PABPC4L: variants seen among roughly 807,000 people sequenced by gnomAD.
PABPC4L encodes polyadenylate-binding protein 4-like.
For missense variants in PABPC4L, 452 were observed against 451.4 expected, an observed-to-expected ratio of 1.00 and a Z score of -0.01; for synonymous variants, 169 against 164.1, an observed-to-expected ratio of 1.03 and a Z score of -0.23.
the PABPC4L span, among the ~76,000 whole-genome samples, chr4:134,156,478 G>A: frequency 6.6e-6 from 1 of 151,812 alleles, no homozygotes; most frequent in Non-Finnish European, 1.5e-5. Context: ...TAATATTGAT[G>A]AAACAGAAAC....
the PABPC4L span, among the ~76,000 whole-genome samples, chr4:134,163,211 G>A: frequency 1.3e-5 from 2 of 152,192 alleles, no homozygotes; most frequent in African/African-American, 2.4e-5. Flanking sequence ...AAGATCATTT[G>A]AGACTGCTAT....
At chr4:134,047,466 C>G in the PABPC4L span, among the ~76,000 whole-genome samples, 1 of 152,122 alleles carries the variant, frequency 6.6e-6, no homozygotes, top group Non-Finnish European at 1.5e-5. Context: ...TAGCTAGAGG[C>G]ACGTCTTTGA....
chr4:134,162,165 A>G, the PABPC4L span, among the ~76,000 whole-genome samples: 2 of 152,250 alleles, frequency 1.3e-5, no homozygotes, highest in East Asian at 3.9e-4. Flanking sequence ...AGGAAGAAGA[A>G]AAGAAAGGGA....
chr4:133,990,741 C>G, the PABPC4L span, among the ~76,000 whole-genome samples: 2 of 152,172 alleles, frequency 1.3e-5, no homozygotes, highest in East Asian at 3.9e-4. Context: ...CCGACCCCCC[C>G]AGTAGAGAGC....
the PABPC4L span, among the ~76,000 whole-genome samples, chr4:134,012,514 C>T: frequency 4.6e-5 from 7 of 152,160 alleles, no homozygotes; most frequent in Non-Finnish European, 1.0e-4. Flanking sequence ...CTCTATCTCC[C>T]TTCGCTGACT....
the PABPC4L span, among the ~76,000 whole-genome samples, chr4:134,164,316 A>C: frequency 6.7e-6 from 1 of 149,558 alleles, no homozygotes; most frequent in East Asian, 2.0e-4. Flanking sequence ...TAGAGCAATC[A>C]GGCAAGAGAA....
chr4:134,122,973 C>T, the PABPC4L span, among the ~76,000 whole-genome samples: 15 of 151,876 alleles, frequency 9.9e-5, no homozygotes, highest in Non-Finnish European at 4.4e-5. Flanking sequence ...GGAATACAGA[C>T]AATTCTCATC....
At chr4:134,078,866 C>G in the PABPC4L span, among the ~76,000 whole-genome samples, 1 of 149,672 alleles carries the variant, frequency 6.7e-6, no homozygotes, top group Non-Finnish European at 1.5e-5. Flanking sequence ...CGGGGTTTCT[C>G]CACGTTGGTC....
At chr4:134,091,532 T>C in the PABPC4L span, among the ~76,000 whole-genome samples, 3 of 151,976 alleles carry the variant, frequency 2.0e-5, no homozygotes, top group African/African-American at 7.2e-5. Context: ...CAATGTGAAA[T>C]AGTAGAAAAG....
At chr4:134,028,198 T>G in the PABPC4L span, among the ~76,000 whole-genome samples, 1 of 152,156 alleles carries the variant, frequency 6.6e-6, no homozygotes, top group Admixed American at 6.6e-5. Context: ...ACCAGGTGAT[T>G]CTGACTCACA....
At chr4:134,133,602 T>A in the PABPC4L span, among the ~76,000 whole-genome samples, 1 of 151,484 alleles carries the variant, frequency 6.6e-6, no homozygotes, top group Non-Finnish European at 1.5e-5. Context: ...ATCATCAACG[T>A]CGTATGTTCT....
chr4:134,051,749 C>G, the PABPC4L span, among the ~76,000 whole-genome samples: 1 of 151,992 alleles, frequency 6.6e-6, no homozygotes, highest in Non-Finnish European at 1.5e-5. Context: ...AGTTTCATAG[C>G]CTCTCTAGAA....
At chr4:134,082,250 T>A in the PABPC4L span, among the ~76,000 whole-genome samples, 2 of 152,190 alleles carry the variant, frequency 1.3e-5, no homozygotes, top group Non-Finnish European at 2.9e-5. Flanking sequence ...TTAAAACTTG[T>A]TAGCTTTGTT....
the PABPC4L span, among the ~76,000 whole-genome samples, chr4:134,062,235 T>C: frequency 6.6e-6 from 1 of 152,002 alleles, no homozygotes; most frequent in African/African-American, 2.4e-5. Flanking sequence ...TTTGGAGGTA[T>C]ATCAGCTTTC....
chr4:134,036,377 CTT>C, the PABPC4L span, among the ~76,000 whole-genome samples: 44 of 152,154 alleles, frequency 2.9e-4, no homozygotes, highest in Admixed American at 9.8e-4. Flanking sequence ...TGAGGATCAA[CTT>C]TGCTGCATAC....
At chr4:134,201,615 C>A (rs1005594235) in intron 1 of PABPC4L, 103 bp downstream of exon 1, 7 of 156,024 alleles carry the variant, frequency 4.5e-5, no homozygotes, top group Non-Finnish European at 9.9e-5. Context: ...TCCCGACCCG[C>A]GCGGCGCCCG....
the PABPC4L span, among the ~76,000 whole-genome samples, chr4:134,151,918 T>C: frequency 1.3e-5 from 2 of 151,794 alleles, no homozygotes; most frequent in Non-Finnish European, 1.5e-5. Context: ...TATTATCAGT[T>C]AAAATTTTTT....
At chr4:134,133,255 AAAT>A in the PABPC4L span, among the ~76,000 whole-genome samples, 1 of 137,976 alleles carries the variant, frequency 7.2e-6, no homozygotes, top group Admixed American at 7.6e-5. Context: ...AATATTATAT[AAAT>A]AATATACTAA....
chr4:133,990,535 A>T, the PABPC4L span, among the ~76,000 whole-genome samples: 1 of 152,148 alleles, frequency 6.6e-6, no homozygotes, highest in African/African-American at 2.4e-5. Flanking sequence ...AAGTATGCTG[A>T]CACAGGTATT....
Sources: gnomAD v4.1 joint callset for allele counts (sites outside exome capture counted in the v4.1 genomes callset) on GRCh38, gnomAD v4.1.1 for gene constraint, MANE v1.5 for transcripts, NCBI Gene and HGNC (gene_info 2026-07-23, HGNC 2026-07-21) for gene names.